The following PRKG1 variants were observed in gnomAD, a reference collection of about 807,000 sequenced individuals.
The protein encoded by PRKG1 is cGMP-dependent protein kinase 1.
Under a neutral mutation model 88.1 loss-of-function variants are expected in PRKG1, and 35 were observed. That is an observed-to-expected ratio of 0.40 (90% CI 0.30 to 0.53). PRKG1 has a LOEUF of 0.53. PRKG1 is among the 20% of genes least tolerant of loss of function. The probability of loss-of-function intolerance (pLI) is 0.59; values close to 1 mark genes in which losing one functional copy is unlikely to be tolerated. For missense variants in PRKG1, 540 were observed against 839.8 expected (o/e 0.64, Z 4.41); for synonymous variants, 303 against 292.5 (o/e 1.04, Z -0.37).
intron 3 of PRKG1, among the ~76,000 whole-genome samples, chr10:51,712,091 AAC>A (rs1315526899): frequency 6.6e-6 from 1 of 151,560 alleles, no homozygotes; most frequent in East Asian, 1.9e-4. Context: ...GAAACTGGCA[AAC>A]ATGTGTAATT....
intron 2 of PRKG1, among the ~76,000 whole-genome samples, chr10:51,205,319 G>C (rs1193105367): frequency 6.7e-6 from 1 of 149,344 alleles, no homozygotes; most frequent in Admixed American, 6.7e-5. Flanking sequence ...TTCCGTTTTT[G>C]TGAGATGGGG....
rs73333801 is a variant in PRKG1 at position 51,311,770 on chromosome 10, G to A, written c.479-155953G>A. ...ACAAGGAGAAGATGATCATCTTCCC[G>A]TAGCTAAACACTTGGATTCCATCAG... On this transcript the variant is annotated intron_variant, in intron 2 of 17. Transcript: ENST00000373980. 3.6e-3 allele frequency among the ~76,000 whole-genome samples: 543 copies of A among 152,262 alleles called. 4 individuals are homozygous for A. Among genetic ancestry groups the A allele is most frequent in the African/African-American group, 0.012 (489 of 41,558 alleles).
At chr10:51,187,335 C>T (rs923062532) in intron 2 of PRKG1, among the ~76,000 whole-genome samples, 2 of 151,878 alleles carry the variant, frequency 1.3e-5, no homozygotes, top group African/African-American at 4.8e-5. Flanking sequence ...TGAAGTAAGT[C>T]CCATTTAATT....
At chr10:51,552,294 T>G (rs1454235828) in intron 3 of PRKG1, among the ~76,000 whole-genome samples, 1 of 151,830 alleles carries the variant, frequency 6.6e-6, no homozygotes, top group East Asian at 1.9e-4. Flanking sequence ...CTATTTCATT[T>G]TCTTTCTATT....
At chr10:52,033,462 T>A (rs1564439131) in intron 5 of PRKG1, among the ~76,000 whole-genome samples, 1 of 152,202 alleles carries the variant, frequency 6.6e-6, no homozygotes, top group East Asian at 1.9e-4. Flanking sequence ...CCTCTCTTTC[T>A]GGGTTCCATT....
chr10:52,231,907 C>T (rs1840532468), intron 9 of PRKG1, among the ~76,000 whole-genome samples: 1 of 152,192 alleles, frequency 6.6e-6, no homozygotes, highest in Non-Finnish European at 1.5e-5. Context: ...TTTCTAGCTT[C>T]ATGCATAGGA....
intron 9 of PRKG1, among the ~76,000 whole-genome samples, chr10:52,204,963 A>T (rs1839778369): frequency 2.6e-5 from 4 of 152,150 alleles, no homozygotes; most frequent in African/African-American, 9.7e-5. Flanking sequence ...AAGGAATATT[A>T]ATAATTAACA....
intron 5 of PRKG1, among the ~76,000 whole-genome samples, chr10:51,977,538 T>C (rs1204143802): frequency 1.3e-5 from 2 of 152,112 alleles, no homozygotes; most frequent in Non-Finnish European, 2.9e-5. Flanking sequence ...CTTTCAGGAA[T>C]TGCCACACTG....
At chr10:51,849,657 G>A (rs1197658935) in intron 4 of PRKG1, among the ~76,000 whole-genome samples, 2 of 151,930 alleles carry the variant, frequency 1.3e-5, no homozygotes, top group East Asian at 3.9e-4. Flanking sequence ...CCAAACAATT[G>A]AATTTAATAA....
At chr10:52,039,164 T>C (rs12241621) in intron 5 of PRKG1, among the ~76,000 whole-genome samples, 37,121 of 152,032 alleles carry the variant, frequency 0.24, 4,886 homozygotes, top group South Asian at 0.32. Flanking sequence ...GTGAGCAACA[T>C]GGCTGTTTAT....
At chr10:52,012,366 T>A (rs756744111) in intron 5 of PRKG1, among the ~76,000 whole-genome samples, 82 of 151,852 alleles carry the variant, frequency 5.4e-4, no homozygotes, top group Admixed American at 1.4e-3. Context: ...CTCAGCCTCC[T>A]GAGTAGCTGG....
chr10:51,388,781 T>C (rs186137153), intron 2 of PRKG1, among the ~76,000 whole-genome samples: 5 of 152,344 alleles, frequency 3.3e-5, no homozygotes, highest in African/African-American at 1.2e-4. Context: ...TAGTTGACTC[T>C]GTACTGTAAT....
chr10:52,000,317 A>G (rs1844562064), intron 5 of PRKG1, among the ~76,000 whole-genome samples: 1 of 121,154 alleles, frequency 8.3e-6, no homozygotes, highest in South Asian at 2.5e-4. Context: ...AAAATGAGTG[A>G]GACAGCAATA....
At chr10:51,512,427 G>A (rs1209658724) in intron 3 of PRKG1, among the ~76,000 whole-genome samples, 2 of 139,208 alleles carry the variant, frequency 1.4e-5, no homozygotes, top group African/African-American at 5.4e-5. Flanking sequence ...TTCCACCTAT[G>A]AGTGAGAATA....
intron 5 of PRKG1, among the ~76,000 whole-genome samples, chr10:51,953,599 C>T (rs74993021): frequency 0.088 from 13,345 of 152,128 alleles, 795 homozygotes; most frequent in Middle Eastern, 0.13. Context: ...CTTTGTGTAC[C>T]GAGGTATCTC....
At chr10:51,593,235 T>C (rs1364153378) in intron 3 of PRKG1, among the ~76,000 whole-genome samples, 1 of 152,224 alleles carries the variant, frequency 6.6e-6, no homozygotes, top group African/African-American at 2.4e-5. Context: ...TGAAAATACA[T>C]TTCTCATATA....
At chr10:51,246,778 T>C (rs116020963) in intron 2 of PRKG1, among the ~76,000 whole-genome samples, 2,341 of 152,038 alleles carry the variant, frequency 0.015, 59 homozygotes, top group African/African-American at 0.054. Context: ...AATAGGAGAA[T>C]TGGGGACTGT....
intron 5 of PRKG1, among the ~76,000 whole-genome samples, chr10:51,988,333 C>T (rs1844216375): frequency 6.6e-6 from 1 of 151,764 alleles, no homozygotes; most frequent in Non-Finnish European, 1.5e-5. Flanking sequence ...TTGATTCTTC[C>T]CTAGATGGTC....
chr10:52,204,093 TA>T (rs1839746857), intron 9 of PRKG1, among the ~76,000 whole-genome samples: 9 of 69,878 alleles, frequency 1.3e-4, no homozygotes, highest in South Asian at 4.5e-4. Context: ...TTATTATTAT[TA>T]TTATTATTAT....
Sources: allele counts gnomAD v4.1 joint callset (sites outside exome capture counted in the v4.1 genomes callset), GRCh38; gene constraint gnomAD v4.1.1; transcripts MANE v1.5; gene names NCBI Gene and HGNC (gene_info 2026-07-23, HGNC 2026-07-21).